The following SKAP2 variants were observed in gnomAD, a reference collection of about 807,000 sequenced individuals.
SKAP2 encodes src kinase associated phosphoprotein 2.
In SKAP2, 28 loss-of-function variants were observed where a neutral mutation model predicts 54.9. The observed-to-expected ratio is 0.51, with a 90% CI of 0.38 to 0.70. The LOEUF (loss-of-function observed/expected upper bound fraction) is 0.70. Ranked by LOEUF, SKAP2 falls within the 30% of genes least tolerant of loss-of-function variation. The probability of loss-of-function intolerance (pLI) is 0.00; values close to 1 mark genes in which losing one functional copy is unlikely to be tolerated. For synonymous variants in SKAP2, 137 were observed against 134.3 expected (o/e 1.02, Z -0.14); for missense variants, 356 against 424.1 (o/e 0.84, Z 1.41).
At chr7:26,734,980 T>A (rs570203812) in intron 6 of SKAP2, among the ~76,000 whole-genome samples, 27 of 152,338 alleles carry the variant, frequency 1.8e-4, no homozygotes, top group African/African-American at 5.8e-4. Flanking sequence ...CACCAGGACA[T>A]CTTCCCTAAC....
intron 4 of SKAP2, among the ~76,000 whole-genome samples, chr7:26,818,776 T>C (rs10275896): frequency 0.21 from 32,321 of 151,992 alleles, 3,517 homozygotes; most frequent in Non-Finnish European, 0.24. Flanking sequence ...TGAACAGACA[T>C]TTCCCAAAAG....
chr7:26,687,225 A>G (rs1786666538), intron 10 of SKAP2, among the ~76,000 whole-genome samples: 1 of 150,114 alleles, frequency 6.7e-6, no homozygotes, highest in Non-Finnish European at 1.5e-5. Flanking sequence ...AGGGGAAGAG[A>G]GACCCCCACC....
rs532284426 is a variant in SKAP2, at chr7:26,810,870, C to T, written c.307+33160G>A. On this transcript the variant is annotated intron_variant, in intron 4 of 12. Coordinates refer to ENST00000345317, the MANE Select transcript of SKAP2 (RefSeq NM_003930.5). ...CTAATTTTTGTATTTTTAGTAGAGACGGGGTTTCACCATGTTGCACAAGAT... is the reference window on the plus strand; with the variant it reads ...CTAATTTTTGTATTTTTAGTAGAGATGGGGTTTCACCATGTTGCACAAGAT... Among the ~76,000 whole-genome samples the T allele has an allele frequency of 7.1e-4, 108 of 152,080 alleles. 1 individual carries two copies. Among genetic ancestry groups the T allele is most frequent in the East Asian group, 3.5e-3 (18 of 5,160 alleles).
intron 4 of SKAP2, among the ~76,000 whole-genome samples, chr7:26,749,103 A>G (rs1488195511): frequency 1.3e-5 from 2 of 152,204 alleles, no homozygotes; most frequent in Non-Finnish European, 2.9e-5. Flanking sequence ...TGTTCCATAC[A>G]CATACAAAAA....
intron 4 of SKAP2, among the ~76,000 whole-genome samples, chr7:26,818,753 G>C (rs577357313): frequency 6.6e-6 from 1 of 152,010 alleles, no homozygotes; most frequent in South Asian, 2.1e-4. Context: ...CATCAAAAAG[G>C]GGGTAAAGGA....
chr7:26,775,563 GTGTGTGTT>G (rs1173441167), intron 4 of SKAP2, among the ~76,000 whole-genome samples: 2 of 134,880 alleles, frequency 1.5e-5, no homozygotes, highest in African/African-American at 6.4e-5. Context: ...GTGTGTGTGT[GTGTGTGTT>G]TTCTATGGAA....
At chr7:26,720,050 TAAC>T (rs869048465) in intron 9 of SKAP2, among the ~76,000 whole-genome samples, 1 of 121,088 alleles carries the variant, frequency 8.3e-6, no homozygotes, top group Non-Finnish European at 1.7e-5. Context: ...CACATATCTG[TAAC>T]ACACACACAC....
chr7:26,818,637 C>A (rs566024725), intron 4 of SKAP2, among the ~76,000 whole-genome samples: 3 of 152,082 alleles, frequency 2.0e-5, no homozygotes, highest in Admixed American at 6.5e-5. Context: ...AGTGAACAGG[C>A]AACCTACAGA....
At chr7:26,797,831 G>A (rs142519315) in intron 4 of SKAP2, among the ~76,000 whole-genome samples, 76 of 151,950 alleles carry the variant, frequency 5.0e-4, no homozygotes, top group African/African-American at 1.5e-3. Flanking sequence ...CAAAAAGATT[G>A]AAATAATGAA....
At chr7:26,658,706 T>C in the SKAP2 span, among the ~76,000 whole-genome samples, 1 of 152,128 alleles carries the variant, frequency 6.6e-6, no homozygotes, top group Non-Finnish European at 1.5e-5. Context: ...TTGAAGAGAA[T>C]AGGTAATGCA....
rs192347072 is a variant in SKAP2 at position 26,682,611 on chromosome 7, C to T, written c.987+2125G>A. On this transcript the variant is annotated intron_variant, in intron 11 of 12. Transcript: ENST00000345317. ...AGGTAAATTACACATCTCTAGAAGG[C>T]CCTTAATAAATATGATCATGATGGT... Among the ~76,000 whole-genome samples the T allele has an allele frequency of 1.2e-4, 19 of 152,158 alleles. No individual in the cohort carries two copies. The East Asian group carries it at 3.7e-3, about 29-fold the overall frequency.
intron 11 of SKAP2, among the ~76,000 whole-genome samples, chr7:26,683,956 T>C (rs1277603075): frequency 6.6e-6 from 1 of 152,166 alleles, no homozygotes; most frequent in Non-Finnish European, 1.5e-5. Flanking sequence ...TAAAGTAGTC[T>C]TGTAAGTAGA....
In SKAP2 at chr7:26,864,518, T is replaced by C. The variant is rs1785335373; in HGVS notation, c.-89A>G. ...CTGCGGCTGCGACCTAGACTCAGGC[T>C]AGCGGCCCGGATTAAGAACAGCGGG... On this transcript the variant is annotated 5_prime_UTR_variant, in exon 1 of 13. Transcript: ENST00000345317. 1 of 1,496,300 alleles carries C rather than the reference T, an allele frequency of 6.7e-7. No homozygotes were observed. The highest frequency in any genetic ancestry group is 2.4e-5 in the Admixed American group (1 of 42,246). 92.7% of individuals were successfully genotyped at this position (1,496,300 alleles called of 1,614,324 possible). A position where few individuals can be genotyped will look rare whatever the true frequency, so the allele number is the denominator to read the frequency against.
intron 4 of SKAP2, among the ~76,000 whole-genome samples, chr7:26,836,744 G>A (rs1002678782): frequency 5.9e-5 from 9 of 152,196 alleles, no homozygotes; most frequent in African/African-American, 2.2e-4. Flanking sequence ...TGGTGGGAGT[G>A]TAAATTAGTT....
At position 26,750,988 on chromosome 7, in the gene SKAP2, T is replaced by C. The variant is rs1782667829; in HGVS notation, c.308-11024A>G. On this transcript the variant is annotated intron_variant, in intron 4 of 12. Coordinates refer to ENST00000345317, the MANE Select transcript of SKAP2 (RefSeq NM_003930.5). ...TAAATTTTTAAAATTATTTTCAGAT[T>C]ATAAGTAACATTTTTATAATTTGTG... 2.0e-5 allele frequency among the ~76,000 whole-genome samples: 3 copies of C among 152,288 alleles called. No individual in the cohort carries two copies. In the South Asian group the frequency reaches 6.2e-4, roughly 32 times the overall value.
intron 4 of SKAP2, among the ~76,000 whole-genome samples, chr7:26,740,294 G>A (rs538629379): frequency 7.4e-4 from 112 of 151,982 alleles, no homozygotes; most frequent in African/African-American, 2.5e-3. Flanking sequence ...TCATAGCTTC[G>A]TTATATTTAT....
chr7:26,720,603 T>C (rs1787557802), intron 9 of SKAP2, among the ~76,000 whole-genome samples: 1 of 152,132 alleles, frequency 6.6e-6, no homozygotes, highest in Admixed American at 6.5e-5. Context: ...CTGGCAAATT[T>C]ATAAAGGAAA....
intron 4 of SKAP2, among the ~76,000 whole-genome samples, chr7:26,816,312 A>T (rs1784264879): frequency 6.6e-6 from 1 of 152,142 alleles, no homozygotes; most frequent in South Asian, 2.1e-4. Flanking sequence ...ATAGTTACAT[A>T]TTCAGCATTA....
At chr7:26,704,323 C>A (rs1456850304) in intron 9 of SKAP2, among the ~76,000 whole-genome samples, 1 of 152,130 alleles carries the variant, frequency 6.6e-6, no homozygotes, top group African/African-American at 2.4e-5. Context: ...GATGAAAAAA[C>A]AGAGTTAGGC....
Sources: gnomAD v4.1 joint callset for allele counts (sites outside exome capture counted in the v4.1 genomes callset) on GRCh38, gnomAD v4.1.1 for gene constraint, MANE v1.5 for transcripts, NCBI Gene and HGNC (gene_info 2026-07-23, HGNC 2026-07-21) for gene names.